The following SLC4A4 variants were observed in gnomAD, a reference collection of about 807,000 sequenced individuals.
SLC4A4 encodes the protein solute carrier family 4 member 4.
A neutral mutation model predicts 111.5 loss-of-function variants in SLC4A4; 27 were observed. That is an observed-to-expected ratio of 0.24 (90% CI 0.18 to 0.33). The LOEUF (loss-of-function observed/expected upper bound fraction) is 0.33, where lower values mean the gene tolerates loss of function less well. SLC4A4 is among the 10% of genes least tolerant of loss of function. The pLI is 1.00. For missense variants in SLC4A4, 909 were observed against 1,315.5 expected (o/e 0.69, Z 4.78); for synonymous variants, 443 against 463.4 (o/e 0.96, Z 0.57).
intron 3 of SLC4A4, among the ~76,000 whole-genome samples, chr4:71,273,748 G>T (rs549208097): frequency 6.6e-6 from 1 of 151,122 alleles, no homozygotes; most frequent in African/African-American, 2.4e-5. Flanking sequence ...TAGTTGAGAA[G>T]TAGCTCTGAG....
chr4:71,358,308 C>A (rs907831314), intron 6 of SLC4A4, among the ~76,000 whole-genome samples: 1 of 149,244 alleles, frequency 6.7e-6, no homozygotes, highest in East Asian at 1.9e-4. Context: ...GAGCGAGACT[C>A]CGTCTGAAAA....
chr4:71,517,185 C>A (rs993640822), intron 16 of SLC4A4, among the ~76,000 whole-genome samples: 1 of 152,018 alleles, frequency 6.6e-6, no homozygotes, highest in Admixed American at 6.5e-5. Context: ...AAACTTCCTA[C>A]CCCTTTGTCT....
chr4:71,268,823 T>C (rs930570478), intron 3 of SLC4A4, among the ~76,000 whole-genome samples: 5 of 152,242 alleles, frequency 3.3e-5, no homozygotes, highest in Non-Finnish European at 5.9e-5. Context: ...TGGGTCTTTG[T>C]GCATAGTTCA....
At chr4:71,245,658 G>A (rs563504456) in intron 2 of SLC4A4, among the ~76,000 whole-genome samples, 1 of 152,156 alleles carries the variant, frequency 6.6e-6, no homozygotes, top group East Asian at 1.9e-4. Context: ...GTAGAACTCT[G>A]AAGCCGGTAG....
intron 2 of SLC4A4, among the ~76,000 whole-genome samples, chr4:71,170,020 T>A (rs890642150): frequency 6.6e-6 from 1 of 152,226 alleles, no homozygotes; most frequent in Non-Finnish European, 1.5e-5. Context: ...CTCAAGTGCC[T>A]TTGAATCTGC....
At chr4:71,212,105 G>A (rs757045758) in intron 1 of SLC4A4, among the ~76,000 whole-genome samples, 3 of 152,192 alleles carry the variant, frequency 2.0e-5, no homozygotes, top group Non-Finnish European at 4.4e-5. Context: ...GCTTGTACAA[G>A]TGTGTCTGCC....
intron 3 of SLC4A4, among the ~76,000 whole-genome samples, chr4:71,311,486 CA>C (rs1726159148): frequency 6.6e-6 from 1 of 152,180 alleles, no homozygotes; most frequent in Non-Finnish European, 1.5e-5. Context: ...GAAATCATAA[CA>C]GTCTCTCAGA....
chr4:71,293,452 A>G (rs113140667), intron 3 of SLC4A4, among the ~76,000 whole-genome samples: 3,916 of 151,780 alleles, frequency 0.026, 192 homozygotes, highest in African/African-American at 0.089. Context: ...AGTCCTAGCT[A>G]CTTGGGAGGC....
At chr4:71,144,558 A>G (rs1744109031) in intron 2 of SLC4A4, among the ~76,000 whole-genome samples, 1 of 151,694 alleles carries the variant, frequency 6.6e-6, no homozygotes. Context: ...TTTTCACGAT[A>G]TTGATTCTTC....
At chr4:71,444,141 G>A (rs1349539590) in intron 8 of SLC4A4, among the ~76,000 whole-genome samples, 7 of 152,166 alleles carry the variant, frequency 4.6e-5, no homozygotes, top group African/African-American at 1.2e-4. Flanking sequence ...AAAGAGGGGG[G>A]TGCATATCTT....
At chr4:71,481,722 G>A (rs572782924) in intron 14 of SLC4A4, among the ~76,000 whole-genome samples, 12 of 149,790 alleles carry the variant, frequency 8.0e-5, no homozygotes, top group African/African-American at 2.9e-4. Context: ...AAAAGTCACA[G>A]ATACATTTGT....
intron 2 of SLC4A4, among the ~76,000 whole-genome samples, chr4:71,155,051 C>T (rs1291710219): frequency 6.6e-6 from 1 of 151,022 alleles, no homozygotes; most frequent in African/African-American, 2.4e-5. Flanking sequence ...TCACAATGAG[C>T]ATTTTGTGAT....
At chr4:71,348,750 G>GA (rs1560430396) in intron 4 of SLC4A4, among the ~76,000 whole-genome samples, 2 of 151,118 alleles carry the variant, frequency 1.3e-5, no homozygotes, top group Admixed American at 1.3e-4. Context: ...CTACTAATGT[G>GA]TTTTTTTTTC....
At chr4:71,166,185 T>C (rs964512570) in intron 2 of SLC4A4, among the ~76,000 whole-genome samples, 1 of 152,228 alleles carries the variant, frequency 6.6e-6, no homozygotes, top group African/African-American at 2.4e-5. Flanking sequence ...ATATTGTTTA[T>C]TGTTAACACT....
At chr4:71,103,775 T>C (rs1227290415) in intron 2 of SLC4A4, among the ~76,000 whole-genome samples, 3 of 151,256 alleles carry the variant, frequency 2.0e-5, no homozygotes, top group Non-Finnish European at 4.4e-5. Context: ...TAAAGCAGTG[T>C]GGAGAGGGAA....
At chr4:71,325,885 T>TTGTGTGTA (rs1307334810) in intron 3 of SLC4A4, among the ~76,000 whole-genome samples, 1 of 151,648 alleles carries the variant, frequency 6.6e-6, no homozygotes, top group Non-Finnish European at 1.5e-5. Flanking sequence ...GTGTGTGTGT[T>TTGTGTGTA]TGTGTGTATG....
At chr4:71,369,734 A>G (rs1731675045) in intron 6 of SLC4A4, among the ~76,000 whole-genome samples, 1 of 152,200 alleles carries the variant, frequency 6.6e-6, no homozygotes, top group Admixed American at 6.5e-5. Flanking sequence ...CCAAAAGAGA[A>G]CATGCACAGG....
intron 2 of SLC4A4, among the ~76,000 whole-genome samples, chr4:71,247,797 C>T (rs892230777): frequency 2.6e-5 from 4 of 151,880 alleles, no homozygotes; most frequent in East Asian, 1.9e-4. Flanking sequence ...TTCTGGGTGT[C>T]GGGATAAGTG....
intron 7 of SLC4A4, among the ~76,000 whole-genome samples, chr4:71,409,791 A>C (rs942057331): frequency 6.6e-6 from 1 of 152,118 alleles, no homozygotes; most frequent in Non-Finnish European, 1.5e-5. Flanking sequence ...AGCCCCTCCC[A>C]TCACAGGCCC....
Sources: allele counts gnomAD v4.1 joint callset (sites outside exome capture counted in the v4.1 genomes callset), GRCh38; gene constraint gnomAD v4.1.1; transcripts MANE v1.5; gene names NCBI Gene and HGNC (gene_info 2026-07-23, HGNC 2026-07-21).